SH3PXD2A: variants seen among roughly 807,000 people sequenced by gnomAD.
SH3PXD2A encodes SH3 and PX domain-containing protein 2A.
SH3PXD2A carries 32 observed loss-of-function variants against 115.2 expected under a neutral mutation model. The ratio of observed to expected loss-of-function variants is 0.28; its 90% CI spans 0.21 to 0.37. SH3PXD2A has a LOEUF of 0.37. Among genes scored for constraint, SH3PXD2A ranks in the 10% least tolerant of loss-of-function variants. The probability of loss-of-function intolerance (pLI) is 1.00; values close to 1 mark genes in which losing one functional copy is unlikely to be tolerated. For synonymous variants in SH3PXD2A, 610 were observed against 629.1 expected (o/e 0.97, Z 0.45); for missense variants, 1,328 against 1,498.7 (o/e 0.89, Z 1.88).
intron 8 of SH3PXD2A, among the ~76,000 whole-genome samples, chr10:103,647,284 G>A (rs2037050356): frequency 6.6e-6 from 1 of 152,138 alleles, no homozygotes; most frequent in South Asian, 2.1e-4. Flanking sequence ...TCACTGTCCT[G>A]TCTCTGGGTC....
intron 1 of SH3PXD2A, among the ~76,000 whole-genome samples, chr10:103,851,267 T>A (rs774097006): frequency 6.6e-6 from 1 of 152,158 alleles, no homozygotes; most frequent in African/African-American, 2.4e-5. Context: ...GAATATATTA[T>A]GTCCACAAGG....
intron 13 of SH3PXD2A, chr10:103,609,346 T>A (rs74154556): frequency 0.028 from 4,288 of 152,234 alleles, 70 homozygotes; most frequent in African/African-American, 0.048. Context: ...GGTGTGTGTG[T>A]AAGAAGGCAG....
intron 2 of SH3PXD2A, among the ~76,000 whole-genome samples, chr10:103,782,308 A>G (rs11191807): frequency 0.058 from 8,817 of 152,272 alleles, 719 homozygotes; most frequent in East Asian, 0.29. Context: ...AAGATTGCTA[A>G]GTAGTTCATG....
chr10:103,807,696 CCTGGG>C (rs1433934950), intron 1 of SH3PXD2A, among the ~76,000 whole-genome samples: 2 of 152,200 alleles, frequency 1.3e-5, no homozygotes, highest in Non-Finnish European at 2.9e-5. Flanking sequence ...TCCTTGTTCC[CCTGGG>C]TGGGCTGTCA....
chr10:103,725,658 C>G (rs980291219), intron 4 of SH3PXD2A, among the ~76,000 whole-genome samples: 9 of 152,034 alleles, frequency 5.9e-5, no homozygotes, highest in African/African-American at 2.2e-4. Flanking sequence ...GAAACCCCGT[C>G]TCTACGAAAA....
chr10:103,669,672 T>C (rs1210503953), intron 6 of SH3PXD2A, among the ~76,000 whole-genome samples: 3 of 152,246 alleles, frequency 2.0e-5, no homozygotes, highest in Non-Finnish European at 4.4e-5. Context: ...CCCAGGCTGC[T>C]GCTTTCTCTG....
At chr10:103,735,592 C>A (rs893709515) in intron 4 of SH3PXD2A, 140 bp downstream of exon 4, 1 of 685,792 alleles carries the variant, frequency 1.5e-6, no homozygotes, top group Non-Finnish European at 2.5e-6. Flanking sequence ...CCATACCCAC[C>A]CCTCTGGCCA....
chr10:103,797,764 A>T (rs1024969745), intron 2 of SH3PXD2A, among the ~76,000 whole-genome samples: 1 of 151,966 alleles, frequency 6.6e-6, no homozygotes, highest in African/African-American at 2.4e-5. Flanking sequence ...GGCTGTGCTG[A>T]TGTGGAAGCT....
chr10:103,830,142 A>G (rs570816414), intron 1 of SH3PXD2A, among the ~76,000 whole-genome samples: 1 of 152,348 alleles, frequency 6.6e-6, no homozygotes, highest in East Asian at 1.9e-4. Context: ...CGGATTAAGT[A>G]AAAAAACAAA....
At chr10:103,707,820 A>G (rs1029185565) in intron 5 of SH3PXD2A, among the ~76,000 whole-genome samples, 3 of 151,970 alleles carry the variant, frequency 2.0e-5, no homozygotes, top group Non-Finnish European at 4.4e-5. Context: ...ACTCCTAACC[A>G]TCGTGAGCTT....
In SH3PXD2A at chr10:103,599,597, A is replaced by AAAG. The variant is rs1384340593; in HGVS notation, c.*2216_*2218dup. On this transcript the variant is annotated 3_prime_UTR_variant, in exon 15 of 15. Transcript: ENST00000369774. ...AAATATGTGCTGTTTAAAAATGAGA[A>AAAG]AAGTATATACTGCATCTTTAAGTAA... The AAAG allele has an allele frequency of 6.5e-6, 1 of 152,724 alleles. No individual in the cohort carries two copies. Among genetic ancestry groups the AAAG allele is most frequent in the African/African-American group, 2.4e-5 (1 of 41,570 alleles). The allele number at this position is 152,724 out of a possible 1,614,324, so 9.5% of individuals were successfully genotyped here. A position where few individuals can be genotyped will look rare whatever the true frequency, so the allele number is the denominator to read the frequency against.
chr10:103,628,765 C>T (rs1024976147), intron 8 of SH3PXD2A, among the ~76,000 whole-genome samples: 1 of 152,130 alleles, frequency 6.6e-6, no homozygotes, highest in Admixed American at 6.5e-5. Flanking sequence ...AAGCCTGGGC[C>T]AGTGAGTCAC....
chr10:103,826,290 C>G (rs1245259267), intron 1 of SH3PXD2A, among the ~76,000 whole-genome samples: 1 of 152,100 alleles, frequency 6.6e-6, no homozygotes, highest in Non-Finnish European at 1.5e-5. Context: ...TATCATCATC[C>G]CTATTCTCCA....
In SH3PXD2A at chr10:103,603,528, C is replaced by T. The variant is rs775667785; in HGVS notation, c.1690G>A (p.Gly564Ser). 2.0e-5 allele frequency: 33 copies of T among 1,612,564 alleles called. No homozygotes were observed. The highest frequency in any genetic ancestry group is 1.6e-4 in the Middle Eastern group (1 of 6,070). ...CTCAGCTCAGGCTCTGAGTCAAAGC[C>T]GAATGCAGGGATGTCATACTCAGGC... ...EEPEYDIPAFGFDSEPELSEE... is the reference protein window; with the variant it reads ...EEPEYDIPAFSFDSEPELSEE... Residue 564 changes from glycine to serine, a missense_variant, in exon 15 of 15, where the codon GGC becomes AGC. Physicochemically the swap from Gly to Ser is moderately conservative, Grantham distance 56. Around this residue, in one of 5 missense-constraint regions of SH3PXD2A, gnomAD observed 509 missense variants for 628.3 expected, o/e 0.81. Coordinates refer to ENST00000369774, the MANE Select transcript of SH3PXD2A (RefSeq NM_001394015.1).
chr10:103,723,089 C>T (rs2038201858), intron 5 of SH3PXD2A, among the ~76,000 whole-genome samples: 1 of 152,174 alleles, frequency 6.6e-6, no homozygotes, highest in South Asian at 2.1e-4. Context: ...GTGTGAATGG[C>T]ACCTCCAGAG....
In SH3PXD2A at chr10:103,610,760, T is replaced by G. The variant is rs552706760; in HGVS notation, c.1308+821A>C. ...CCCCCACATAAATCATCTCATTTCA[T>G]CCTTACAACAGCCCTAAGAGATGGC... On this transcript the variant is annotated intron_variant, in intron 13 of 14. Transcript: ENST00000369774. Among the ~76,000 whole-genome samples the G allele has an allele frequency of 8.5e-5, 13 of 152,278 alleles. No individual in the cohort carries two copies. In the South Asian group the frequency reaches 2.7e-3, roughly 32 times the overall value.
At chr10:103,616,020 G>A (rs1284853165) in intron 11 of SH3PXD2A, among the ~76,000 whole-genome samples, 3 of 151,062 alleles carry the variant, frequency 2.0e-5, no homozygotes, top group Admixed American at 2.0e-4. Flanking sequence ...CCAGGGCTCC[G>A]GGGTGGGGCG....
At chr10:103,642,254 C>T (rs939601533) in intron 8 of SH3PXD2A, among the ~76,000 whole-genome samples, 1 of 151,696 alleles carries the variant, frequency 6.6e-6, no homozygotes, top group African/African-American at 2.4e-5. Flanking sequence ...AAAGCACACA[C>T]GATGAAAACA....
In SH3PXD2A at chr10:103,627,697, C is replaced by T. The variant is rs1753174902; in HGVS notation, c.605-495G>A. 6.6e-6 allele frequency among the ~76,000 whole-genome samples: 1 copy of T among 152,236 alleles called. No homozygotes were observed. Among genetic ancestry groups the T allele is most frequent in the Non-Finnish European group, 1.5e-5 (1 of 68,038 alleles). On this transcript the variant is annotated intron_variant, in intron 8 of 14. Coordinates refer to ENST00000369774, the MANE Select transcript of SH3PXD2A (RefSeq NM_001394015.1). This position sits in a 1 kb window ranked among gnomAD's most constrained non-coding sequence, Gnocchi z 4.4. ...CAGCGGTACCTTCGCATTGGTGCCA[C>T]TCACAGCTGCCCTTTAAGTGTGTTC...
Sources: allele counts gnomAD v4.1 joint callset (sites outside exome capture counted in the v4.1 genomes callset), GRCh38; gene constraint gnomAD v4.1.1; regional missense constraint gnomAD v4.1.1; non-coding constraint Gnocchi (gnomAD v3.1); transcripts MANE v1.5; gene names NCBI Gene and HGNC (gene_info 2026-07-23, HGNC 2026-07-21).